Variants in BOC observed in about 807,000 individuals in gnomAD.
The protein encoded by BOC is BOC cell adhesion associated, oncogene regulated.
Under a neutral mutation model 112.0 loss-of-function variants are expected in BOC, and 76 were observed. The ratio of observed to expected loss-of-function variants is 0.68; its 90% confidence interval spans 0.56 to 0.82. BOC has a LOEUF of 0.82. Ranked by LOEUF, BOC falls within the 40% of genes least tolerant of loss-of-function variation. The probability of loss-of-function intolerance (pLI) is 0.00; values close to 1 mark genes in which losing one functional copy is unlikely to be tolerated. For synonymous variants in BOC, 580 were observed against 599.8 expected, an observed-to-expected ratio of 0.97 and a Z score of 0.48; for missense variants, 1,309 against 1,511.7, an observed-to-expected ratio of 0.87 and a Z score of 2.22.
chr3:113,271,363 ACT>A, intron 6 of BOC: 1 of 386,226 alleles, frequency 2.6e-6, no homozygotes, highest in Non-Finnish European at 5.2e-6. Flanking sequence ...CTGGGCCTGC[ACT>A]CTCTGCACTG....
Position 113,279,848 on chromosome 3 carries a change from G to C in BOC, c.2048G>C (p.Arg683Pro). The C allele has an allele frequency of 6.2e-7, 1 of 1,610,152 alleles. No homozygotes were observed. Among genetic ancestry groups the C allele is most frequent in the Non-Finnish European group, 8.5e-7 (1 of 1,177,810 alleles). The stretch of plus-strand genomic sequence containing the variant: ...GGCACCTCCTACAAGTTTCGAGTCC[G>C]GGCTCTGAACATGCTGGGGGAGAGC... ...EKGTSYKFRV[R>P]ALNMLGESEP... The change falls in exon 13 of 20, where the codon CGG becomes CCG. Residue 683 changes from arginine to proline, a missense_variant. Coordinates refer to ENST00000682979, the MANE Select transcript of BOC (RefSeq NM_001378074.1).
At chr3:113,212,206 G>C (rs1219311055) in intron 1 of BOC, 190 bp downstream of exon 1, 1 of 151,012 alleles carries the variant, frequency 6.6e-6, no homozygotes, top group African/African-American at 2.4e-5. Flanking sequence ...AGCTGCGGCC[G>C]AGGCTGGGCG....
At position 113,284,385 on chromosome 3, in the gene BOC, C is replaced by T. The variant is rs754960188; in HGVS notation, c.2707C>T (p.Pro903Ser). The T allele has an allele frequency of 2.5e-6, 4 of 1,614,238 alleles. No individual in the cohort carries two copies. The highest frequency in any genetic ancestry group is 2.5e-6 in the Non-Finnish European group (3 of 1,180,036). The change falls in exon 17 of 20, where the codon CCG becomes TCG. Residue 903 changes from proline (P) to serine (S), a missense_variant. Physicochemically the swap from Pro to Ser is moderately conservative, Grantham distance 74. Coordinates refer to ENST00000682979, the MANE Select transcript of BOC (RefSeq NM_001378074.1). ...FPRSALPPSC[P>S]YTMVPLGGLP... ...TCGAAGTGCCCTTCCACCCTCCTGC[C>T]CGTATACTATGGTGCCATTGGGAGG...
intron 9 of BOC, among the ~76,000 whole-genome samples, chr3:113,275,458 C>T (rs1226684436): frequency 6.6e-6 from 1 of 152,216 alleles, no homozygotes; most frequent in African/African-American, 2.4e-5. Context: ...CTCTTACCTG[C>T]CGTTACCCCA....
chr3:113,279,830 C>CCT lies in BOC; in HGVS notation c.2031_2032dup (p.Tyr678SerfsTer9). 6.2e-7 allele frequency: 1 copy of CCT among 1,606,078 alleles called. No individual in the cohort carries two copies. The highest frequency in any genetic ancestry group is 8.5e-7 in the Non-Finnish European group (1 of 1,175,632). On this transcript the variant is annotated frameshift_variant, in exon 13 of 20. Coordinates refer to ENST00000682979, the MANE Select transcript of BOC (RefSeq NM_001378074.1). LOFTEE classifies it high-confidence loss of function. ...TGAGTGTCCCTCTCACCAGGCACCT[C>CCT]CTACAAGTTTCGAGTCCGGGCTCTG...
chr3:113,280,519 C>G, intron 13 of BOC, 39 bp from the exon 14 acceptor site: 1 of 1,427,574 alleles, frequency 7.0e-7, no homozygotes, highest in Non-Finnish European at 9.9e-7. Flanking sequence ...GATGTTTTCT[C>G]TGCCCATTGT....
Position 113,236,282 on chromosome 3 carries a change from G to GTA in BOC, c.-81-13411_-81-13410dup, listed in dbSNP as rs71706132. On this transcript the variant is annotated intron_variant, in intron 2 of 19. Coordinates refer to ENST00000682979, the MANE Select transcript of BOC (RefSeq NM_001378074.1). Reference sequence around the variant, plus strand: ...TGTGTGTGTGTATATATACCCATGGGTATATATATATATATATATATATAT... The same window carrying GTA: ...TGTGTGTGTGTATATATACCCATGGGTATATATATATATATATATATATATAT... Among the ~76,000 whole-genome samples the GTA allele has an allele frequency of 6.7e-4, 43 of 64,284 alleles. 1 individual carries two copies. The highest frequency in any genetic ancestry group is 1.1e-3 in the Non-Finnish European group (26 of 24,552). The allele number at this position is 64,284 out of a possible 152,430, so 42.2% of individuals were successfully genotyped here.
chr3:113,273,130 G>C lies in BOC; in HGVS notation c.1023G>C (p.Lys341Asn), dbSNP rs1948315188. 6.2e-7 allele frequency: 1 copy of C among 1,613,402 alleles called. No individual in the cohort carries two copies. Among genetic ancestry groups the C allele is most frequent in the Middle Eastern group, 1.7e-4 (1 of 6,044 alleles). Residue 341 changes from lysine (K) to asparagine (N), a missense_variant, in exon 8 of 20, where the codon AAG (lysine) becomes AAC (asparagine). Coordinates refer to ENST00000682979, the MANE Select transcript of BOC (RefSeq NM_001378074.1). ...QLVIPWGQSA[K>N]LTCEVRGNPP... ...TCATCCCCTGGGGCCAGAGTGCCAA[G>C]CTTACCTGTGAGGTGCGTGGGAACC...
At chr3:113,277,411 G>A (rs1948770836) in intron 9 of BOC, among the ~76,000 whole-genome samples, 1 of 152,232 alleles carries the variant, frequency 6.6e-6, no homozygotes, top group Admixed American at 6.5e-5. Flanking sequence ...TTGGATCCCA[G>A]ACTCTTCTTC....
intron 2 of BOC, among the ~76,000 whole-genome samples, chr3:113,218,011 T>A (rs1356438099): frequency 6.6e-6 from 1 of 152,220 alleles, no homozygotes; most frequent in African/African-American, 2.4e-5. Context: ...CGTCTGTGGC[T>A]CTGAAATCAT....
chr3:113,279,710 G>C (rs1949009032), intron 12 of BOC, 114 bp from the exon 13 acceptor site: 1 of 1,189,012 alleles, frequency 8.4e-7, no homozygotes, highest in Non-Finnish European at 1.2e-6. Context: ...TTGAGAACTT[G>C]CTTTGGGGAA....
chr3:113,255,899 C>T (rs1946177832), intron 4 of BOC, among the ~76,000 whole-genome samples: 3 of 152,174 alleles, frequency 2.0e-5, no homozygotes, highest in African/African-American at 7.2e-5. Context: ...ATGGAAAAAA[C>T]AAGAAGCTAA....
chr3:113,273,713 A>G (rs1948381072), intron 8 of BOC, among the ~76,000 whole-genome samples: 1 of 152,148 alleles, frequency 6.6e-6, no homozygotes, highest in African/African-American at 2.4e-5. Context: ...CAGGGCAAAG[A>G]CCCTGCCCTC....
chr3:113,223,960 G>A (rs2107641578), intron 2 of BOC, among the ~76,000 whole-genome samples: 1 of 152,346 alleles, frequency 6.6e-6, no homozygotes, highest in South Asian at 2.1e-4. Context: ...AAACTGTCAG[G>A]AGCTGCCTGT....
intron 1 of BOC, among the ~76,000 whole-genome samples, chr3:113,215,831 T>C (rs978214654): frequency 1.3e-5 from 2 of 152,250 alleles, no homozygotes; most frequent in African/African-American, 4.8e-5. Context: ...CTCTGTATTA[T>C]CACCCCAAAT....
At chr3:113,217,008 C>T (rs1027459418) in intron 2 of BOC, among the ~76,000 whole-genome samples, 1 of 152,206 alleles carries the variant, frequency 6.6e-6, no homozygotes, top group African/African-American at 2.4e-5. Context: ...TGAGTTTGGA[C>T]AGTATTGGAC....
chr3:113,233,390 T>C (rs920644290), intron 2 of BOC, among the ~76,000 whole-genome samples: 7 of 152,250 alleles, frequency 4.6e-5, no homozygotes, highest in African/African-American at 1.7e-4. Flanking sequence ...GCATAGAGAA[T>C]GACTGCAAGT....
chr3:113,286,833 T>C lies in BOC; in HGVS notation c.3319T>C (p.Ser1107Pro). The C allele has an allele frequency of 6.3e-7, 1 of 1,599,618 alleles. No individual in the cohort carries two copies. The highest frequency in any genetic ancestry group is 1.1e-5 in the South Asian group (1 of 88,314). The change falls in exon 20 of 20, where the codon TCT (serine) becomes CCT (proline). Residue 1107 changes from serine (S) to proline (P), a missense_variant. Ser to Pro is a moderately conservative substitution (Grantham distance 74). Transcript: ENST00000682979. ...CTCCCCGGGGCCACTGGTGCGTGTG[T>C]CTTTTGAAACACCACCTCTCACAAT... is the stretch of plus-strand genomic sequence containing the variant. Reference protein sequence around the residue: ...QLSPGPLVRVSFETPPLTI With the variant: ...QLSPGPLVRVPFETPPLTI
In BOC at chr3:113,249,793, G is replaced by A. The variant is rs1945377055; in HGVS notation, c.-10G>A. On this transcript the variant is annotated 5_prime_UTR_variant, in exon 3 of 20. The change creates a new upstream start codon in the 5' untranslated region. Coordinates refer to ENST00000682979, the MANE Select transcript of BOC (RefSeq NM_001378074.1). ...TATGGGACGTTGGCTTCAGACCTTTGTGATACACCATGCTGCGTGGGACGA... is the reference window on the plus strand; with the variant it reads ...TATGGGACGTTGGCTTCAGACCTTTATGATACACCATGCTGCGTGGGACGA... The A allele has an allele frequency of 3.1e-6, 5 of 1,607,770 alleles. No individual in the cohort carries two copies. In the East Asian group the frequency reaches 8.9e-5, roughly 29 times the overall value.
Sources: allele counts gnomAD v4.1 joint callset (sites outside exome capture counted in the v4.1 genomes callset), GRCh38; gene constraint gnomAD v4.1.1; transcripts MANE v1.5; gene names NCBI Gene and HGNC (gene_info 2026-07-23, HGNC 2026-07-21).